ZNF503: variants seen among roughly 807,000 people sequenced by gnomAD.
The protein encoded by ZNF503 is NocA-like zinc finger 2.
A neutral mutation model predicts 34.4 loss-of-function variants in ZNF503; 15 were observed. The ratio of observed to expected loss-of-function variants is 0.44; its 90% CI spans 0.29 to 0.67. ZNF503 has a LOEUF of 0.67. Ranked by LOEUF, ZNF503 falls within the 30% of genes least tolerant of loss-of-function variation. The pLI is 0.13. For missense variants in ZNF503, 1,007 were observed against 926.8 expected (o/e 1.09, Z -1.12); for synonymous variants, 580 against 456.8 (o/e 1.27, Z -3.44).
the ZNF503 span, among the ~76,000 whole-genome samples, chr10:75,325,503 T>G: frequency 6.6e-6 from 1 of 152,204 alleles, no homozygotes; most frequent in African/African-American, 2.4e-5. Context: ...CCACACTGTC[T>G]TGATTACTGT....
chr10:75,388,676 T>A, the ZNF503 span, among the ~76,000 whole-genome samples: 3 of 152,236 alleles, frequency 2.0e-5, no homozygotes, highest in East Asian at 1.9e-4. Context: ...CTAATGATAG[T>A]GCCTCCTTCA....
At chr10:75,304,484 G>C in the ZNF503 span, among the ~76,000 whole-genome samples, 1 of 152,126 alleles carries the variant, frequency 6.6e-6, no homozygotes, top group Non-Finnish European at 1.5e-5. Flanking sequence ...AACATATGGA[G>C]TCATGCCTTT....
the ZNF503 span, among the ~76,000 whole-genome samples, chr10:75,362,533 A>G: frequency 6.6e-6 from 1 of 152,142 alleles, no homozygotes; most frequent in Non-Finnish European, 1.5e-5. Flanking sequence ...CCTATCAGGC[A>G]GCTCTTCTCA....
chr10:75,383,435 C>T, the ZNF503 span, among the ~76,000 whole-genome samples: 1 of 152,150 alleles, frequency 6.6e-6, no homozygotes, highest in Non-Finnish European at 1.5e-5. Flanking sequence ...ATTTTCAGAC[C>T]TCCAGGGTCC....
In ZNF503 at chr10:75,398,671, G is replaced by T; in HGVS notation, c.*78C>A. 1 of 1,265,728 alleles carries T rather than the reference G, an allele frequency of 7.9e-7. No homozygotes were observed. 78.4% of individuals were successfully genotyped at this position (1,265,728 alleles called of 1,614,324 possible). A position where few individuals can be genotyped will look rare whatever the true frequency, so the allele number is the denominator to read the frequency against. On this transcript the variant is annotated 3_prime_UTR_variant, in exon 2 of 2. Coordinates refer to ENST00000372524, the MANE Select transcript of ZNF503 (RefSeq NM_032772.6). Reference sequence around the variant, plus strand: ...CCCCACGCGCGGGTGTCAGCAGCCTGGGCCGTGATCCCGCCTCTCCCTGGA... The same window carrying T: ...CCCCACGCGCGGGTGTCAGCAGCCTTGGCCGTGATCCCGCCTCTCCCTGGA...
intron 1 of ZNF503, 99 bp from the exon 2 acceptor site, chr10:75,400,473 G>A (rs1843783362): frequency 6.9e-6 from 10 of 1,451,278 alleles, no homozygotes; most frequent in Non-Finnish European, 9.0e-6. Flanking sequence ...CTCCGCAACA[G>A]CCCACGAAGA....
chr10:75,400,402 C>T, intron 1 of ZNF503, 28 bp from the exon 2 acceptor site: 2 of 1,578,508 alleles, frequency 1.3e-6, no homozygotes, highest in Non-Finnish European at 1.7e-6. Context: ...GGGGGGGGAG[C>T]GTCACACAGA....
At chr10:75,280,563 T>TGTGTGC in the ZNF503 span, among the ~76,000 whole-genome samples, 1 of 145,496 alleles carries the variant, frequency 6.9e-6, no homozygotes, top group South Asian at 2.2e-4. Context: ...TGCGTGTGTG[T>TGTGTGC]GTGTGTGTGT....
chr10:75,287,986 G>A, the ZNF503 span, among the ~76,000 whole-genome samples: 1 of 152,168 alleles, frequency 6.6e-6, no homozygotes, highest in Non-Finnish European at 1.5e-5. Context: ...GTTGTCCAGA[G>A]GAAAGGAGAT....
chr10:75,307,287 T>C, the ZNF503 span, among the ~76,000 whole-genome samples: 1 of 152,216 alleles, frequency 6.6e-6, no homozygotes, highest in Non-Finnish European at 1.5e-5. Flanking sequence ...ATTGCTGATA[T>C]GAAGAAAGTT....
the ZNF503 span, chr10:75,288,338 G>A: frequency 6.5e-6 from 1 of 152,688 alleles, no homozygotes; most frequent in Non-Finnish European, 1.5e-5. Context: ...CCTCAGAGCT[G>A]CGAGATGATG....
chr10:75,373,514 T>C, the ZNF503 span: 3 of 152,162 alleles, frequency 2.0e-5, no homozygotes, highest in Non-Finnish European at 4.4e-5. Context: ...GGAGCCTCCA[T>C]TAAAGGCTGT....
chr10:75,332,865 A>G, the ZNF503 span, among the ~76,000 whole-genome samples: 1,784 of 140,490 alleles, frequency 0.013, 45 homozygotes, highest in African/African-American at 0.047. Flanking sequence ...AAAGTCTCCC[A>G]TGTCTACTTC....
In ZNF503 at chr10:75,400,146, C is replaced by T. The variant is rs1843770511; in HGVS notation, c.544G>A (p.Gly182Ser). Residue 182 changes from glycine to serine, a missense_variant, in exon 2 of 2, where the codon GGC (glycine) becomes AGC (serine). Gly to Ser is a moderately conservative substitution (Grantham distance 56). Transcript: ENST00000372524. The part of the protein sequence containing the change: ...KSSFKPYSKP[G>S]SDKKEPGGGG... ...CCTCCCGGCTCCTTCTTATCCGAGC[C>T]GGGTTTGGAGTACGGCTTGAAACTC... The T allele has an allele frequency of 1.3e-6, 2 of 1,557,142 alleles. No homozygotes were observed. The highest frequency in any genetic ancestry group is 1.7e-6 in the Non-Finnish European group (2 of 1,150,708).
At chr10:75,332,316 G>A in the ZNF503 span, among the ~76,000 whole-genome samples, 118 of 151,572 alleles carry the variant, frequency 7.8e-4, no homozygotes, top group South Asian at 1.5e-3. Context: ...CTTTAATTTT[G>A]TTTTCTTTTT....
chr10:75,300,688 A>ATTTCTTTC, the ZNF503 span, among the ~76,000 whole-genome samples: 8 of 126,606 alleles, frequency 6.3e-5, no homozygotes, highest in Non-Finnish European at 9.7e-5. Flanking sequence ...ATCTAATAAC[A>ATTTCTTTC]TTTCTTTCTT....
the ZNF503 span, among the ~76,000 whole-genome samples, chr10:75,302,562 G>A: frequency 1.3e-5 from 2 of 152,172 alleles, no homozygotes; most frequent in South Asian, 2.1e-4. Flanking sequence ...GGGATGTGTA[G>A]GTACCTTTGG....
At chr10:75,289,952 C>G in the ZNF503 span, among the ~76,000 whole-genome samples, 2 of 152,166 alleles carry the variant, frequency 1.3e-5, no homozygotes. Flanking sequence ...CTTGAGACCT[C>G]TTCACCTTGT....
At position 75,399,238 on chromosome 10, in the gene ZNF503, G is replaced by A. The variant is rs766507373; in HGVS notation, c.1452C>T (p.Ala484=). Reference sequence around the variant, plus strand: ...GCGGTGTGGCGCCAGCAGCCGCGGCGGCCGTTAGCGAGGAGTGCACACCGT... The same window carrying A: ...GCGGTGTGGCGCCAGCAGCCGCGGCAGCCGTTAGCGAGGAGTGCACACCGT... ...PLHGVHSSLT[A]AAAAGATPPS... is the part of the protein sequence containing the mutation. Residue 484 remains alanine (A), a synonymous_variant, in exon 2 of 2, where the codon GCC becomes GCT. Transcript: ENST00000372524. The A allele has an allele frequency of 6.3e-6, 10 of 1,590,372 alleles. No homozygotes were observed. The Admixed American group carries it at 1.5e-4, about 25-fold the overall frequency.
Sources: gnomAD v4.1 joint callset for allele counts (sites outside exome capture counted in the v4.1 genomes callset) on GRCh38, gnomAD v4.1.1 for gene constraint, MANE v1.5 for transcripts, NCBI Gene and HGNC (gene_info 2026-07-23, HGNC 2026-07-21) for gene names.